Variants in TOX2 observed in about 807,000 individuals in gnomAD.
TOX2 encodes the protein granulosa cell HMG box 1.
Under a neutral mutation model 47.4 loss-of-function variants are expected in TOX2, and 15 were observed. The observed-to-expected ratio is 0.32, with a 90% confidence interval of 0.21 to 0.49. The LOEUF (loss-of-function observed/expected upper bound fraction) is 0.49. Ranked by LOEUF, TOX2 falls within the 20% of genes least tolerant of loss-of-function variation. TOX2 has a pLI of 0.99. For missense variants in TOX2, 622 were observed against 673.1 expected (o/e 0.92, Z 0.84); for synonymous variants, 290 against 296.6 (o/e 0.98, Z 0.23).
intron 2 of TOX2, among the ~76,000 whole-genome samples, chr20:43,974,475 C>T (rs1208064756): frequency 6.6e-6 from 1 of 152,212 alleles, no homozygotes; most frequent in Admixed American, 6.5e-5. Flanking sequence ...GTGGGACCAG[C>T]TCGGGACACT....
In TOX2 at chr20:44,053,198, G is replaced by A. The variant is rs140137949; in HGVS notation, c.652-1101G>A. On this transcript the variant is annotated intron_variant, in intron 4 of 8. Transcript: ENST00000341197. Reference sequence around the variant, plus strand: ...GGGCATCCCAACACCACCCCATCCTGGAAGCCCTAAGTCAAGTGTTCACAG... The same window carrying A: ...GGGCATCCCAACACCACCCCATCCTAGAAGCCCTAAGTCAAGTGTTCACAG... 5.8e-4 allele frequency among the ~76,000 whole-genome samples: 89 copies of A among 152,258 alleles called. 1 individual carries two copies. Among genetic ancestry groups the A allele is most frequent in the African/African-American group, 2.0e-3 (85 of 41,548 alleles).
rs961494550 is a variant in TOX2, at chr20:43,997,645, T to C, written c.166-8902T>C. ...CTTATCTAAAATTTGTTTTCTATTTTATTTTTCTCCTACAGACTTTCGGTT... is the reference window on the plus strand; with the variant it reads ...CTTATCTAAAATTTGTTTTCTATTTCATTTTTCTCCTACAGACTTTCGGTT... On this transcript the variant is annotated intron_variant, in intron 2 of 8. Coordinates refer to ENST00000341197, the MANE Select transcript of TOX2 (RefSeq NM_001098797.2). Among the ~76,000 whole-genome samples the C allele has an allele frequency of 4.5e-4, 69 of 152,214 alleles. 1 individual carries two copies. Among genetic ancestry groups the C allele is most frequent in the Admixed American group, 4.5e-3 (69 of 15,292 alleles).
At chr20:43,945,849 G>GAGTTGTC in intron 1 of TOX2, 13 of 1,596,574 alleles carry the variant, frequency 8.1e-6, no homozygotes, top group Non-Finnish European at 1.0e-5. Flanking sequence ...AGAGGACCAA[G>GAGTTGTC]AGTTGTCAGG....
chr20:43,923,248 G>C (rs974735150), intron 1 of TOX2, among the ~76,000 whole-genome samples: 1 of 152,202 alleles, frequency 6.6e-6, no homozygotes, highest in Admixed American at 6.5e-5. Context: ...CCTGGAACCA[G>C]GGGTACGGTG....
chr20:43,973,709 C>T (rs1485924125), intron 2 of TOX2, among the ~76,000 whole-genome samples: 2 of 152,210 alleles, frequency 1.3e-5, no homozygotes, highest in East Asian at 3.8e-4. Flanking sequence ...ACGCTTGGGG[C>T]AGCTTTTCAG....
intron 1 of TOX2, among the ~76,000 whole-genome samples, chr20:43,934,131 G>A (rs1407643346): frequency 1.6e-5 from 2 of 127,106 alleles, no homozygotes; most frequent in Non-Finnish European, 3.4e-5. Flanking sequence ...CAGAGCCCAA[G>A]GTAAGGAGAG....
At chr20:44,067,120 C>T (rs1282807714) in intron 8 of TOX2, among the ~76,000 whole-genome samples, 1 of 152,150 alleles carries the variant, frequency 6.6e-6, no homozygotes, top group African/African-American at 2.4e-5. Context: ...GTTTTTTTCA[C>T]AAGTGCTTCC....
chr20:44,008,440 A>G (rs575375107), intron 3 of TOX2, among the ~76,000 whole-genome samples: 10 of 152,240 alleles, frequency 6.6e-5, no homozygotes, highest in Non-Finnish European at 1.2e-4. Context: ...CACACCTGTA[A>G]TACCAGCTAC....
chr20:44,040,058 G>A (rs2071307517), intron 3 of TOX2, among the ~76,000 whole-genome samples: 1 of 152,192 alleles, frequency 6.6e-6, no homozygotes, highest in African/African-American at 2.4e-5. Flanking sequence ...ATTGGAGTAG[G>A]GGTCTCGTGA....
At chr20:44,034,119 A>T (rs1417248395) in intron 3 of TOX2, among the ~76,000 whole-genome samples, 1 of 152,208 alleles carries the variant, frequency 6.6e-6, no homozygotes, top group Non-Finnish European at 1.5e-5. Flanking sequence ...GCCAGGCTCC[A>T]GGCAGCTTGC....
chr20:43,962,917 A>T (rs2069786837), intron 1 of TOX2, among the ~76,000 whole-genome samples: 1 of 152,260 alleles, frequency 6.6e-6, no homozygotes, highest in African/African-American at 2.4e-5. Flanking sequence ...AACCCAGTAT[A>T]TCCCAAATAT....
chr20:43,996,039 A>G (rs2070472341), intron 2 of TOX2, among the ~76,000 whole-genome samples: 1 of 152,198 alleles, frequency 6.6e-6, no homozygotes, highest in African/African-American at 2.4e-5. Flanking sequence ...CAGTAATGGG[A>G]TTGCTGGGTT....
chr20:44,000,278 C>A (rs2070552383), intron 2 of TOX2, among the ~76,000 whole-genome samples: 1 of 152,100 alleles, frequency 6.6e-6, no homozygotes, highest in Non-Finnish European at 1.5e-5. Flanking sequence ...GGCAGGGAGG[C>A]CAAGAGGCCA....
At position 44,023,179 on chromosome 20, in the gene TOX2, A is replaced by G. The variant is rs558921202; in HGVS notation, c.411+16387A>G. 2.0e-4 allele frequency among the ~76,000 whole-genome samples: 31 copies of G among 152,176 alleles called. No individual in the cohort carries two copies. In the East Asian group the frequency reaches 4.1e-3, roughly 20 times the overall value. On this transcript the variant is annotated intron_variant, in intron 3 of 8. Transcript: ENST00000341197. ...AGAAGGGAAGGAAGGAAGGGATCCC[A>G]GCACTTTGGGAGGCCGAGGCGAGCA...
chr20:43,954,049 G>T (rs1175674986), intron 1 of TOX2, among the ~76,000 whole-genome samples: 1 of 152,168 alleles, frequency 6.6e-6, no homozygotes, highest in African/African-American at 2.4e-5. Context: ...ATTAAAGCAT[G>T]TTACTCCCCT....
intron 1 of TOX2, among the ~76,000 whole-genome samples, chr20:43,958,956 C>T (rs1182658468): frequency 6.6e-6 from 1 of 152,234 alleles, no homozygotes; most frequent in Non-Finnish European, 1.5e-5. Flanking sequence ...CATGCCATGC[C>T]TTGGAGTGCA....
chr20:44,033,976 C>T (rs1253292933), intron 3 of TOX2, among the ~76,000 whole-genome samples: 1 of 152,206 alleles, frequency 6.6e-6, no homozygotes, highest in Non-Finnish European at 1.5e-5. Context: ...GGCTTCTTGT[C>T]AGTTATCAGT....
chr20:43,964,334 T>C (rs910107180), intron 1 of TOX2, among the ~76,000 whole-genome samples: 5 of 152,332 alleles, frequency 3.3e-5, no homozygotes, highest in Admixed American at 3.3e-4. Flanking sequence ...CCCCGGCATC[T>C]TCCTGGCCCT....
Position 43,916,319 on chromosome 20 carries a change from G to A in TOX2, c.99+1329G>A, listed in dbSNP as rs1443231918. On this transcript the variant is annotated intron_variant, in intron 1 of 8. Coordinates refer to ENST00000341197, the MANE Select transcript of TOX2 (RefSeq NM_001098797.2). The surrounding 1 kb of genome is among the most constrained non-coding windows in gnomAD (Gnocchi z 5.0). ...GGATGAGGCAGGAGAGAGGCGTCCC[G>A]GCGCGGATCCCGGGGCCTCCCGGGC... The A allele has an allele frequency of 7.0e-6, 6 of 856,222 alleles. No individual in the cohort carries two copies. Among genetic ancestry groups the A allele is most frequent in the African/African-American group, 1.8e-5 (1 of 54,602 alleles). The allele number at this position is 856,222 out of a possible 1,614,324, so 53.0% of individuals were successfully genotyped here. A position where few individuals can be genotyped will look rare whatever the true frequency, so the allele number is the denominator to read the frequency against.
Sources: allele counts gnomAD v4.1 joint callset (sites outside exome capture counted in the v4.1 genomes callset), GRCh38; gene constraint gnomAD v4.1.1; non-coding constraint Gnocchi (gnomAD v3.1); transcripts MANE v1.5; gene names NCBI Gene and HGNC (gene_info 2026-07-23, HGNC 2026-07-21).